Variants in DIAPH2 observed in about 807,000 individuals in gnomAD.
DIAPH2 encodes the protein diaphanous related formin 2, also known as protein diaphanous homolog 2.
In DIAPH2, 35 loss-of-function variants were observed where a neutral mutation model predicts 92.7. That is an observed-to-expected ratio of 0.38 (90% CI 0.29 to 0.50). The LOEUF is 0.50. DIAPH2 is among the 20% of genes least tolerant of loss of function. DIAPH2 has a pLI of 0.94. For synonymous variants in DIAPH2, 301 were observed against 280.4 expected (o/e 1.07, Z -0.73); for missense variants, 701 against 819.5 (o/e 0.86, Z 1.77).
At chrX:97,390,142 T>TTAATGATTAAC in intron 25 of DIAPH2, among the ~76,000 whole-genome samples, 1 of 109,054 alleles carries the variant, frequency 9.2e-6, no homozygotes, top group South Asian at 4.1e-4. Context: ...GCAAGCTGAC[T>TTAATGATTAAC]TAATGATTAA....
At chrX:96,957,182 A>G (rs1043745811) in intron 15 of DIAPH2, among the ~76,000 whole-genome samples, 3 of 111,664 alleles carry the variant, frequency 2.7e-5, no homozygotes, top group East Asian at 2.8e-4. Flanking sequence ...CACCATCCCC[A>G]GCTAATTTTT....
chrX:97,177,675 GTC>G (rs2067502899), intron 22 of DIAPH2, among the ~76,000 whole-genome samples: 1 of 95,084 alleles, frequency 1.1e-5, no homozygotes, highest in East Asian at 3.3e-4. Flanking sequence ...TTTTTTCTAC[GTC>G]TCTTTTTTGT....
chrX:96,973,659 C>T (rs768728545), intron 17 of DIAPH2, among the ~76,000 whole-genome samples: 1 of 105,839 alleles, frequency 9.4e-6, no homozygotes, highest in South Asian at 4.2e-4. Flanking sequence ...GAATACTATG[C>T]CATTTTATAG....
intron 4 of DIAPH2, among the ~76,000 whole-genome samples, chrX:96,832,328 A>C (rs1490601121): frequency 8.9e-6 from 1 of 111,911 alleles, no homozygotes. Flanking sequence ...TCTCACATAT[A>C]CTTTGACAAA....
chrX:96,845,478 A>C (rs1193817587), intron 4 of DIAPH2, among the ~76,000 whole-genome samples: 1 of 112,065 alleles, frequency 8.9e-6, no homozygotes, highest in African/African-American at 3.2e-5. Flanking sequence ...CTTATTGATG[A>C]GGTACCATTT....
chrX:97,245,620 C>T (rs1434650326), intron 22 of DIAPH2, among the ~76,000 whole-genome samples: 3 of 110,065 alleles, frequency 2.7e-5, no homozygotes, highest in Middle Eastern at 4.7e-3. Flanking sequence ...GCCATATTGT[C>T]CAGGCTGGCC....
intron 22 of DIAPH2, among the ~76,000 whole-genome samples, chrX:97,207,976 A>T (rs778787466): frequency 9.0e-6 from 1 of 110,852 alleles, no homozygotes; most frequent in South Asian, 3.9e-4. Flanking sequence ...ACATGGTGAA[A>T]CCCTGTCTCT....
intron 26 of DIAPH2, among the ~76,000 whole-genome samples, chrX:97,560,473 G>A (rs1421958739): frequency 9.0e-6 from 1 of 111,268 alleles, no homozygotes; most frequent in Non-Finnish European, 1.9e-5. Flanking sequence ...ACATATTAAT[G>A]TGTATATTCT....
At chrX:97,471,470 C>T (rs959899914) in intron 26 of DIAPH2, among the ~76,000 whole-genome samples, 7 of 110,417 alleles carry the variant, frequency 6.3e-5, no homozygotes, top group African/African-American at 2.0e-4. Context: ...GCGGGCGGAT[C>T]ACCTGAGGTC....
At chrX:97,066,031 A>T (rs761774182) in intron 17 of DIAPH2, among the ~76,000 whole-genome samples, 4 of 111,815 alleles carry the variant, frequency 3.6e-5, no homozygotes, top group South Asian at 3.7e-4. Flanking sequence ...TCAAAAGTTT[A>T]AAAAAAACAA....
chrX:96,901,106 A>G (rs978887381), intron 5 of DIAPH2, among the ~76,000 whole-genome samples: 1 of 110,589 alleles, frequency 9.0e-6, no homozygotes, highest in Non-Finnish European at 1.9e-5. Flanking sequence ...TTTCTTGTTG[A>G]CAATTTTTTT....
chrX:97,335,310 G>T (rs908844453), intron 23 of DIAPH2, among the ~76,000 whole-genome samples: 4 of 111,692 alleles, frequency 3.6e-5, no homozygotes, highest in African/African-American at 1.3e-4. Context: ...TATAAATTCA[G>T]TGAGGGTTAG....
intron 1 of DIAPH2, among the ~76,000 whole-genome samples, chrX:96,715,916 T>C (rs1177156989): frequency 6.4e-5 from 7 of 109,426 alleles, no homozygotes; most frequent in Admixed American, 9.8e-5. Flanking sequence ...TTTTTTTTTT[T>C]CTTCTTGTCT....
intron 26 of DIAPH2, among the ~76,000 whole-genome samples, chrX:97,433,614 A>G (rs2070151339): frequency 8.9e-6 from 1 of 112,383 alleles, no homozygotes; most frequent in South Asian, 3.7e-4. Flanking sequence ...GTACTGGTGC[A>G]TACTAGCTGA....
chrX:97,508,882 G>A (rs928172717), intron 26 of DIAPH2, among the ~76,000 whole-genome samples: 3 of 109,027 alleles, frequency 2.8e-5, no homozygotes, highest in African/African-American at 1.0e-4. Flanking sequence ...TTTCTCTTAC[G>A]TAGTATAGGG....
chrX:97,410,545 C>A (rs970319543), intron 25 of DIAPH2, among the ~76,000 whole-genome samples: 1 of 112,051 alleles, frequency 8.9e-6, no homozygotes, highest in African/African-American at 3.2e-5. Context: ...CGAAACAAAG[C>A]TGGACAGAGA....
intron 25 of DIAPH2, among the ~76,000 whole-genome samples, chrX:97,417,689 T>G: frequency 9.1e-6 from 1 of 109,984 alleles, no homozygotes. Flanking sequence ...AAATAATAAA[T>G]AAAAATAAGA....
chrX:96,749,706 T>TTAATAAATGG (rs1471769705), intron 3 of DIAPH2, among the ~76,000 whole-genome samples: 5 of 111,897 alleles, frequency 4.5e-5, no homozygotes, highest in Admixed American at 1.9e-4. Context: ...AAATTGGACT[T>TTAATAAATGG]TAATAAATGG....
chrX:97,212,120 C>A (rs757802779), intron 22 of DIAPH2, among the ~76,000 whole-genome samples: 17 of 111,628 alleles, frequency 1.5e-4, no homozygotes, highest in African/African-American at 4.9e-4. Flanking sequence ...AATTTTAGTT[C>A]TAAAATCATT....
Sources: allele counts gnomAD v4.1 joint callset (sites outside exome capture counted in the v4.1 genomes callset), GRCh38; gene constraint gnomAD v4.1.1; transcripts MANE v1.5; gene names NCBI Gene and HGNC (gene_info 2026-07-23, HGNC 2026-07-21).